The following PHF21A variants were observed in gnomAD, a reference collection of about 807,000 sequenced individuals.
PHF21A encodes BHC80a.
In PHF21A, 11 loss-of-function variants were observed where a neutral mutation model predicts 82.5. The ratio of observed to expected loss-of-function variants is 0.13; its 90% CI spans 0.08 to 0.22. The LOEUF is 0.22. PHF21A is among the 10% of genes least tolerant of loss of function. The probability of loss-of-function intolerance (pLI) is 1.00; values close to 1 mark genes in which losing one functional copy is unlikely to be tolerated. For synonymous variants in PHF21A, 297 were observed against 302.8 expected, an observed-to-expected ratio of 0.98 and a Z score of 0.20; for missense variants, 579 against 837.8, an observed-to-expected ratio of 0.69 and a Z score of 3.81.
At chr11:46,074,464 G>T (rs1043731363) in intron 6 of PHF21A, among the ~76,000 whole-genome samples, 3 of 151,730 alleles carry the variant, frequency 2.0e-5, no homozygotes, top group African/African-American at 4.8e-5. Context: ...TTGGCGGGAG[G>T]GGGGAAGGCA....
intron 6 of PHF21A, among the ~76,000 whole-genome samples, chr11:46,044,208 A>T (rs1357246134): frequency 6.6e-6 from 1 of 152,164 alleles, no homozygotes; most frequent in Admixed American, 6.5e-5. Flanking sequence ...AATAAATCAA[A>T]CTACTATTCA....
intron 6 of PHF21A, among the ~76,000 whole-genome samples, chr11:46,042,025 CTACTATACTTAA>C (rs2096153891): frequency 6.6e-6 from 1 of 152,018 alleles, no homozygotes. Context: ...GGCAATTTTC[CTACTATACTTAA>C]TATGATTTGA....
At chr11:46,111,696 T>C (rs1260310528) in intron 1 of PHF21A, among the ~76,000 whole-genome samples, 1 of 152,162 alleles carries the variant, frequency 6.6e-6, no homozygotes, top group Non-Finnish European at 1.5e-5. Context: ...TCCCCAGGCA[T>C]CCCTTTCCCT....
chr11:45,938,875 C>A (rs1419593697), intron 15 of PHF21A, among the ~76,000 whole-genome samples: 2 of 151,784 alleles, frequency 1.3e-5, no homozygotes, highest in Admixed American at 1.3e-4. Context: ...GCTCTGTCAC[C>A]CAGGCTGGAG....
chr11:46,043,571 G>A (rs2096198012), intron 6 of PHF21A, among the ~76,000 whole-genome samples: 1 of 151,874 alleles, frequency 6.6e-6, no homozygotes, highest in African/African-American at 2.4e-5. Context: ...GACGAGCTCT[G>A]CCAAACTGTT....
chr11:45,989,969 G>A (rs2094626832), intron 6 of PHF21A, among the ~76,000 whole-genome samples: 1 of 152,044 alleles, frequency 6.6e-6, no homozygotes, highest in South Asian at 2.1e-4. Flanking sequence ...TTCAGCCTGG[G>A]CAACAGAGTG....
chr11:45,959,385 T>C (rs994321919), intron 10 of PHF21A, among the ~76,000 whole-genome samples: 2 of 152,202 alleles, frequency 1.3e-5, no homozygotes, highest in African/African-American at 2.4e-5. Context: ...CTCAGAAAGC[T>C]TGGAATAAAA....
At chr11:46,066,281 T>C (rs1160261526) in intron 6 of PHF21A, among the ~76,000 whole-genome samples, 2 of 152,204 alleles carry the variant, frequency 1.3e-5, no homozygotes. Context: ...TAGGTATTAG[T>C]TACCTAGTGG....
intron 15 of PHF21A, among the ~76,000 whole-genome samples, chr11:45,940,323 G>A (rs2090098428): frequency 6.6e-6 from 1 of 151,896 alleles, no homozygotes; most frequent in Non-Finnish European, 1.5e-5. Context: ...AGACTCCTGA[G>A]TAGCTGGGAT....
At chr11:46,054,174 T>C (rs999240583) in intron 6 of PHF21A, among the ~76,000 whole-genome samples, 9 of 152,180 alleles carry the variant, frequency 5.9e-5, no homozygotes, top group East Asian at 5.8e-4. Flanking sequence ...CCTCTAACTA[T>C]AGTCAGAGAA....
chr11:45,990,397 TA>T, intron 6 of PHF21A, among the ~76,000 whole-genome samples: 1 of 151,664 alleles, frequency 6.6e-6, no homozygotes, highest in Non-Finnish European at 1.5e-5. Flanking sequence ...GAGCTGGGAC[TA>T]CACGAATGCA....
At chr11:46,076,842 T>C in intron 5 of PHF21A, 23 bp from the exon 6 acceptor site, 5 of 1,576,622 alleles carry the variant, frequency 3.2e-6, no homozygotes, top group Non-Finnish European at 4.4e-6. Flanking sequence ...AAAAAATATC[T>C]GTGAGAAAGA....
At chr11:46,033,256 G>A (rs2095905093) in intron 6 of PHF21A, among the ~76,000 whole-genome samples, 1 of 151,994 alleles carries the variant, frequency 6.6e-6, no homozygotes, top group Non-Finnish European at 1.5e-5. Context: ...TCCATTTTCT[G>A]TTGTTGTTAG....
At position 45,931,188 on chromosome 11, in the gene PHF21A, G is replaced by C. The variant is rs540249848; in HGVS notation, c.*2780C>G. 1 of 152,258 alleles carries C rather than the reference G, an allele frequency of 6.6e-6. No individual in the cohort carries two copies. The highest frequency in any genetic ancestry group is 2.4e-5 in the African/African-American group (1 of 41,446). The allele number at this position is 152,258 out of a possible 1,614,324, so 9.4% of individuals were successfully genotyped here. ...TGGTCAATTCCTAGCCCCGTCCTCC[G>C]ACCCAAGACTCCTAAGGCAGCTCCT... On this transcript the variant is annotated 3_prime_UTR_variant, in exon 19 of 19. Transcript: ENST00000676320.
intron 6 of PHF21A, among the ~76,000 whole-genome samples, chr11:46,064,631 C>G (rs1434015190): frequency 6.6e-6 from 1 of 152,140 alleles, no homozygotes; most frequent in Non-Finnish European, 1.5e-5. Context: ...TTCTTATACC[C>G]TAATCTGTTG....
chr11:46,118,575 T>C (rs943715274), intron 1 of PHF21A, among the ~76,000 whole-genome samples: 1 of 152,204 alleles, frequency 6.6e-6, no homozygotes, highest in African/African-American at 2.4e-5. Context: ...AACATTAGCA[T>C]AACTGTACAC....
chr11:45,964,117 G>A (rs998300454), intron 10 of PHF21A, among the ~76,000 whole-genome samples: 1 of 151,310 alleles, frequency 6.6e-6, no homozygotes, highest in Non-Finnish European at 1.5e-5. Context: ...AGAATCACTT[G>A]AACCTGGGAG....
intron 10 of PHF21A, among the ~76,000 whole-genome samples, chr11:45,963,531 T>G (rs368173029): frequency 2.9e-4 from 44 of 152,300 alleles, no homozygotes; most frequent in African/African-American, 1.0e-3. Context: ...TACTCTCTCT[T>G]TAGATTACGG....
intron 6 of PHF21A, among the ~76,000 whole-genome samples, chr11:46,073,612 T>C (rs149491141): frequency 1.4e-4 from 22 of 152,330 alleles, no homozygotes; most frequent in African/African-American, 4.8e-4. Flanking sequence ...TGTTTTTGCA[T>C]ACGTTTACAC....
Sources: gnomAD v4.1 joint callset for allele counts (sites outside exome capture counted in the v4.1 genomes callset) on GRCh38, gnomAD v4.1.1 for gene constraint, MANE v1.5 for transcripts, NCBI Gene and HGNC (gene_info 2026-07-23, HGNC 2026-07-21) for gene names.